The following MIER1 variants were observed in gnomAD, a reference collection of about 807,000 sequenced individuals.
MIER1 encodes the protein mesoderm induction early response protein 1.
Under a neutral mutation model 75.7 loss-of-function variants are expected in MIER1, and 40 were observed. That is an observed-to-expected ratio of 0.53 (90% CI 0.41 to 0.69). The LOEUF (loss-of-function observed/expected upper bound fraction) is 0.69, where lower values mean the gene tolerates loss of function less well. Ranked by LOEUF, MIER1 falls within the 30% of genes least tolerant of loss-of-function variation. MIER1 has a pLI of 0.00. For synonymous variants in MIER1, 213 were observed against 223.4 expected, an observed-to-expected ratio of 0.95 and a Z score of 0.42; for missense variants, 574 against 680.2, an observed-to-expected ratio of 0.84 and a Z score of 1.74.
At chr1:66,945,984 C>T (rs1002614802) in intron 3 of MIER1, among the ~76,000 whole-genome samples, 166 bp from the exon 4 acceptor site, 1 of 152,132 alleles carries the variant, frequency 6.6e-6, no homozygotes, top group Admixed American at 6.5e-5. Context: ...ATTTTCCTTC[C>T]ATTTTTCTGT....
chr1:66,958,111 C>T lies in MIER1; in HGVS notation c.392C>T (p.Thr131Ile), dbSNP rs1313239968. Residue 131 changes from threonine (T) to isoleucine (I), a missense_variant, in exon 5 of 14, where the codon ACT becomes ATT. Thr to Ile is a moderately conservative substitution (Grantham distance 89). This residue lies in a region of MIER1 where 309 missense variants were observed against 352.8 expected (regional missense o/e 0.88). Coordinates refer to ENST00000401041, the MANE Select transcript of MIER1 (RefSeq NM_001077700.3). ...CTCAGCCTTTATGGTTATGGTAGTACTGTTCGACTACCTGAAGAAGATGAG... is the reference window on the plus strand; with the variant it reads ...CTCAGCCTTTATGGTTATGGTAGTATTGTTCGACTACCTGAAGAAGATGAG... Reference protein sequence around the residue: ...ELLSLYGYGSTVRLPEEDEEE... With the variant: ...ELLSLYGYGSIVRLPEEDEEE... 1.2e-6 allele frequency: 2 copies of T among 1,609,806 alleles called. No homozygotes were observed. Among genetic ancestry groups the T allele is most frequent in the Non-Finnish European group, 1.7e-6 (2 of 1,176,526 alleles).
Position 66,984,809 on chromosome 1 carries a change from G to A in MIER1, c.1607G>A (p.Ser536Asn). Residue 536 changes from serine to asparagine, a missense_variant, in exon 14 of 14, where the codon AGC becomes AAC. Around this residue, in one of 3 missense-constraint regions of MIER1, gnomAD observed 164 missense variants for 154.3 expected, o/e 1.06. Coordinates refer to ENST00000401041, the MANE Select transcript of MIER1 (RefSeq NM_001077700.3). The stretch of plus-strand genomic sequence containing the variant: ...CCTGCCAAAAGGCGAAGGGTAAACA[G>A]CAATGGAAAAGAAAGTCCAGGTTCT... ...ERPAKRRRVN[S>N]NGKESPGSSE... 1 of 1,613,778 alleles carries A rather than the reference G, an allele frequency of 6.2e-7. No individual in the cohort carries two copies. The highest frequency in any genetic ancestry group is 8.5e-7 in the Non-Finnish European group (1 of 1,179,890).
chr1:66,985,611 G>A lies in MIER1; in HGVS notation c.*711G>A, dbSNP rs891284181. The A allele has an allele frequency of 1.3e-5, 13 of 985,000 alleles. No homozygotes were observed. Among genetic ancestry groups the A allele is most frequent in the Admixed American group, 6.2e-5 (1 of 16,240 alleles). The allele number at this position is 985,000 out of a possible 1,614,324, so 61.0% of individuals were successfully genotyped here. On this transcript the variant is annotated 3_prime_UTR_variant, in exon 14 of 14. Coordinates refer to ENST00000401041, the MANE Select transcript of MIER1 (RefSeq NM_001077700.3). ...TTTACAGTACATATGTCTTGACTGA[G>A]CTGTCCTTTCTTAATACAAAAGCGT...
At chr1:66,961,293 A>T (rs1661209379) in intron 7 of MIER1, among the ~76,000 whole-genome samples, 1 of 152,212 alleles carries the variant, frequency 6.6e-6, no homozygotes, top group Non-Finnish European at 1.5e-5. Flanking sequence ...TCAAACCTGA[A>T]TTTTAGTTGT....
chr1:66,967,319 T>C (rs1317078136), intron 8 of MIER1, among the ~76,000 whole-genome samples: 1 of 152,186 alleles, frequency 6.6e-6, no homozygotes, highest in African/African-American at 2.4e-5. Flanking sequence ...ACTGTAGGTA[T>C]GTGACTTGTT....
At chr1:66,953,174 A>C (rs925160951) in intron 4 of MIER1, among the ~76,000 whole-genome samples, 1 of 152,236 alleles carries the variant, frequency 6.6e-6, no homozygotes, top group Non-Finnish European at 1.5e-5. Context: ...TTCAAGAAAA[A>C]TAAGTGCTTG....
At chr1:66,940,174 C>T (rs1320107805) in intron 3 of MIER1, 122 bp downstream of exon 3, 6 of 638,760 alleles carry the variant, frequency 9.4e-6, no homozygotes, top group Non-Finnish European at 1.6e-5. Context: ...CTTCTTTTCT[C>T]TGGGGAAAAA....
chr1:66,949,822 T>A (rs1658503219), intron 4 of MIER1, among the ~76,000 whole-genome samples: 1 of 152,246 alleles, frequency 6.6e-6, no homozygotes, highest in Non-Finnish European at 1.5e-5. Flanking sequence ...TTGCATGAAA[T>A]GAATTTTTGA....
At chr1:66,965,125 A>G (rs1662115656) in intron 8 of MIER1, among the ~76,000 whole-genome samples, 1 of 152,346 alleles carries the variant, frequency 6.6e-6, no homozygotes, top group Non-Finnish European at 1.5e-5. Flanking sequence ...GTATGGAGTG[A>G]CTTTATTACA....
Position 66,945,310 on chromosome 1 carries a change from TATATATAA to T in MIER1, c.194-838_194-831del, listed in dbSNP as rs1317320228. Among the ~76,000 whole-genome samples the T allele has an allele frequency of 9.4e-3, 712 of 75,954 alleles. 13 individuals carry two copies. Among genetic ancestry groups the T allele is most frequent in the Middle Eastern group, 0.015 (2 of 136 alleles). The allele number at this position is 75,954 out of a possible 152,430, so 49.8% of individuals were successfully genotyped here. On this transcript the variant is annotated intron_variant, in intron 3 of 13. Coordinates refer to ENST00000401041, the MANE Select transcript of MIER1 (RefSeq NM_001077700.3). ...ATATATATATATATATATATATATA[TATATATAA>T]AATACCTAATATAGGTAAATGCTAT...
chr1:66,980,466 T>G (rs375460354), intron 12 of MIER1, among the ~76,000 whole-genome samples: 4 of 152,292 alleles, frequency 2.6e-5, no homozygotes, highest in African/African-American at 7.2e-5. Flanking sequence ...ATCCCTATAT[T>G]TGTTAAATCC....
intron 13 of MIER1, among the ~76,000 whole-genome samples, chr1:66,983,239 AC>A (rs1666246634): frequency 6.6e-6 from 1 of 152,194 alleles, no homozygotes; most frequent in African/African-American, 2.4e-5. Context: ...TTGAAATCTT[AC>A]AGTTATTTTT....
At chr1:66,964,264 A>G (rs1229389006) in intron 8 of MIER1, among the ~76,000 whole-genome samples, 1 of 149,994 alleles carries the variant, frequency 6.7e-6, no homozygotes, top group Non-Finnish European at 1.5e-5. Context: ...TAGTAGAGAT[A>G]GGGTTTCGCC....
intron 4 of MIER1, among the ~76,000 whole-genome samples, chr1:66,953,290 G>A (rs928030117): frequency 6.6e-6 from 1 of 152,178 alleles, no homozygotes; most frequent in African/African-American, 2.4e-5. Context: ...GCTTGTTTAT[G>A]CTTGCTAAAT....
chr1:66,975,352 C>A (rs1017993989), intron 11 of MIER1, among the ~76,000 whole-genome samples: 2 of 152,004 alleles, frequency 1.3e-5, no homozygotes, highest in Non-Finnish European at 2.9e-5. Flanking sequence ...CATGGCAAAA[C>A]CCCATCTCTA....
At chr1:66,932,795 TGAA>T (rs1455333356) in intron 2 of MIER1, 1 of 152,074 alleles carries the variant, frequency 6.6e-6, no homozygotes, top group Non-Finnish European at 1.5e-5. Context: ...AACAGGTTAT[TGAA>T]GAAGTATGTC....
intron 12 of MIER1, 80 bp from the exon 13 acceptor site, chr1:66,981,699 G>T (rs972290605): frequency 1.5e-5 from 17 of 1,112,398 alleles, no homozygotes; most frequent in Non-Finnish European, 2.2e-5. Context: ...TATTTGTTAA[G>T]AAAGCCTTCT....
chr1:66,947,568 A>G (rs886116712), intron 4 of MIER1: 29 of 152,188 alleles, frequency 1.9e-4, no homozygotes, highest in African/African-American at 6.0e-4. Flanking sequence ...TGCTGCCTAG[A>G]TTACCATTCT....
intron 12 of MIER1, among the ~76,000 whole-genome samples, chr1:66,981,228 T>C (rs1044916601): frequency 2.1e-4 from 32 of 152,156 alleles, no homozygotes; most frequent in African/African-American, 7.5e-4. Context: ...TGAGCTCACA[T>C]ACAATGAGAA....
Sources: allele counts gnomAD v4.1 joint callset (sites outside exome capture counted in the v4.1 genomes callset), GRCh38; gene constraint gnomAD v4.1.1; regional missense constraint gnomAD v4.1.1; transcripts MANE v1.5; gene names NCBI Gene and HGNC (gene_info 2026-07-23, HGNC 2026-07-21).